Variants in SPAG16 observed in about 807,000 individuals in gnomAD.
SPAG16 encodes the protein sperm associated antigen 16, also known as sperm-associated antigen 16 protein.
In SPAG16, 86 loss-of-function variants were observed where a neutral mutation model predicts 80.4. That is an observed-to-expected ratio of 1.07 (90% CI 0.90 to 1.28). The LOEUF is 1.28. Among genes scored for constraint, SPAG16 ranks in the 50% most tolerant of loss-of-function variants. The pLI, the probability that SPAG16 is intolerant of heterozygous loss-of-function variation, is 0.00. For missense variants in SPAG16, 870 were observed against 765.3 expected (o/e 1.14, Z -1.61); for synonymous variants, 294 against 265.9 (o/e 1.11, Z -1.03).
At chr2:214,221,267 A>G (rs1238768756) in intron 15 of SPAG16, among the ~76,000 whole-genome samples, 1 of 151,960 alleles carries the variant, frequency 6.6e-6, no homozygotes, top group Non-Finnish European at 1.5e-5. Context: ...AGAGCCAATT[A>G]CTTTTAAATG....
Position 213,893,900 on chromosome 2 carries a change from A to G in SPAG16, c.1214+31272A>G, listed in dbSNP as rs150404522. ...AAATGGCAGTAGTAAGTCCTTATTT[A>G]CAGTAATAACACTGAATGTAAATGA... On this transcript the variant is annotated intron_variant, in intron 11 of 15. Coordinates refer to ENST00000331683, the MANE Select transcript of SPAG16 (RefSeq NM_024532.5). 6.2e-4 allele frequency among the ~76,000 whole-genome samples: 95 copies of G among 152,314 alleles called. 2 individuals carry two copies. In the East Asian group the frequency reaches 0.017, roughly 28 times the overall value.
At position 213,407,715 on chromosome 2, in the gene SPAG16, A is replaced by G. The variant is rs1170458772; in HGVS notation, c.942+32596A>G. Reference sequence around the variant, plus strand: ...AGAAGAGAGAGAGAGAGACAGAGGAAAGAGAGACAGGAGAGAGAGAGACAG... The same window carrying G: ...AGAAGAGAGAGAGAGAGACAGAGGAGAGAGAGACAGGAGAGAGAGAGACAG... On this transcript the variant is annotated intron_variant, in intron 9 of 15. Coordinates refer to ENST00000331683, the MANE Select transcript of SPAG16 (RefSeq NM_024532.5). Among the ~76,000 whole-genome samples the G allele has an allele frequency of 1.5e-5, 2 of 130,522 alleles. 1 individual carries two copies. The highest frequency in any genetic ancestry group is 8.3e-3 in the Middle Eastern group (2 of 242). 85.6% of individuals were successfully genotyped at this position (130,522 alleles called of 152,430 possible).
intron 15 of SPAG16, among the ~76,000 whole-genome samples, chr2:214,372,426 G>C (rs1361636274): frequency 6.6e-6 from 1 of 151,872 alleles, no homozygotes; most frequent in Non-Finnish European, 1.5e-5. Context: ...AAATCAAACT[G>C]TATATAGTCA....
intron 12 of SPAG16, among the ~76,000 whole-genome samples, chr2:213,942,083 C>T (rs958927467): frequency 6.6e-6 from 1 of 152,052 alleles, no homozygotes; most frequent in East Asian, 1.9e-4. Context: ...TTTCTTCTTC[C>T]CCTGAGTAGA....
chr2:214,335,061 G>T (rs933594668), intron 15 of SPAG16, among the ~76,000 whole-genome samples: 3 of 152,190 alleles, frequency 2.0e-5, no homozygotes, highest in Non-Finnish European at 4.4e-5. Flanking sequence ...CGATGAGGAA[G>T]AACAGTAATG....
chr2:213,525,284 C>CTTTTTTTTTTTT (rs71060436), intron 10 of SPAG16, among the ~76,000 whole-genome samples: 4 of 100,336 alleles, frequency 4.0e-5, no homozygotes, highest in Admixed American at 1.2e-4. Flanking sequence ...TTTTCCTTTT[C>CTTTTTTTTTTTT]TTTTTTTTTT....
chr2:213,387,846 C>T (rs186227244), intron 9 of SPAG16, among the ~76,000 whole-genome samples: 1 of 151,932 alleles, frequency 6.6e-6, no homozygotes, highest in African/African-American at 2.4e-5. Context: ...TCCCTAATAC[C>T]CCTTCTGGGT....
chr2:214,148,001 C>T (rs1171178227), intron 14 of SPAG16, among the ~76,000 whole-genome samples: 2 of 151,766 alleles, frequency 1.3e-5, no homozygotes, highest in African/African-American at 4.8e-5. Context: ...TTTTAAATAA[C>T]GTAGGGAGAA....
At chr2:214,188,833 C>T (rs1216131786) in intron 15 of SPAG16, among the ~76,000 whole-genome samples, 3 of 152,136 alleles carry the variant, frequency 2.0e-5, no homozygotes, top group Non-Finnish European at 4.4e-5. Context: ...ATCCTTTACT[C>T]ATAGCAGTCA....
chr2:213,894,987 C>CAAAAAAAAAAAAAAAAAAAAAAAAAA (rs71063793), intron 11 of SPAG16, among the ~76,000 whole-genome samples: 1 of 49,288 alleles, frequency 2.0e-5, no homozygotes, highest in African/African-American at 1.2e-4. Context: ...GGCTCCATCT[C>CAAAAAAAAAAAAAAAAAAAAAAAAAA]AAAAAAAAAA....
intron 12 of SPAG16, among the ~76,000 whole-genome samples, chr2:213,936,493 A>G (rs557767165): frequency 6.6e-6 from 1 of 152,312 alleles, no homozygotes; most frequent in Non-Finnish European, 1.5e-5. Flanking sequence ...AGAAAGACCA[A>G]TTGGGGAACT....
At chr2:213,982,314 T>C (rs1458176744) in intron 12 of SPAG16, among the ~76,000 whole-genome samples, 1 of 152,064 alleles carries the variant, frequency 6.6e-6, no homozygotes, top group East Asian at 1.9e-4. Context: ...ATAGTCTTTC[T>C]AATATTTGCT....
At chr2:213,714,037 A>G (rs1286533199) in intron 10 of SPAG16, among the ~76,000 whole-genome samples, 1 of 152,224 alleles carries the variant, frequency 6.6e-6, no homozygotes, top group Non-Finnish European at 1.5e-5. Flanking sequence ...CTTTGCTTCC[A>G]GCGACCCAAG....
At chr2:213,826,664 G>A (rs1470999991) in intron 10 of SPAG16, among the ~76,000 whole-genome samples, 1 of 151,908 alleles carries the variant, frequency 6.6e-6, no homozygotes, top group Non-Finnish European at 1.5e-5. Context: ...CCTAATATAT[G>A]GTCTATCCTT....
intron 12 of SPAG16, among the ~76,000 whole-genome samples, chr2:213,932,167 TA>T (rs376949200): frequency 0.5 from 47,727 of 96,328 alleles, 9,963 homozygotes; most frequent in South Asian, 0.65. Context: ...TATATATATA[TA>T]TATATATATA....
At chr2:214,300,111 T>A (rs1050112028) in intron 15 of SPAG16, among the ~76,000 whole-genome samples, 1 of 152,170 alleles carries the variant, frequency 6.6e-6, no homozygotes, top group African/African-American at 2.4e-5. Context: ...ATTGAACTTA[T>A]GTAAATAATT....
chr2:213,695,253 C>T (rs1264548378), intron 10 of SPAG16, among the ~76,000 whole-genome samples: 1 of 152,150 alleles, frequency 6.6e-6, no homozygotes, highest in Non-Finnish European at 1.5e-5. Flanking sequence ...TAACACATGA[C>T]CATCAGGGCA....
intron 10 of SPAG16, among the ~76,000 whole-genome samples, chr2:213,754,790 A>G (rs74708820): frequency 0.014 from 2,098 of 152,290 alleles, 50 homozygotes; most frequent in African/African-American, 0.048. Flanking sequence ...GTGTGTGCTC[A>G]GCTGCATTTA....
At chr2:213,786,484 G>A (rs551879695) in intron 10 of SPAG16, among the ~76,000 whole-genome samples, 1 of 152,244 alleles carries the variant, frequency 6.6e-6, no homozygotes, top group African/African-American at 2.4e-5. Context: ...AAACTGTGAG[G>A]TTAAAAACAT....
Sources: allele counts gnomAD v4.1 joint callset (sites outside exome capture counted in the v4.1 genomes callset), GRCh38; gene constraint gnomAD v4.1.1; transcripts MANE v1.5; gene names NCBI Gene and HGNC (gene_info 2026-07-23, HGNC 2026-07-21).